KIAA1210: variants seen among roughly 807,000 people sequenced by gnomAD.
KIAA1210 encodes KIAA1210.
Under a neutral mutation model 78.9 loss-of-function variants are expected in KIAA1210, and 48 were observed. That is an observed-to-expected ratio of 0.61 (90% CI 0.48 to 0.77). KIAA1210 has a LOEUF of 0.77. KIAA1210 is among the 30% of genes least tolerant of loss of function. KIAA1210 has a pLI of 0.00. For missense variants in KIAA1210, 1,108 were observed against 1,100.0 expected, an observed-to-expected ratio of 1.01 and a Z score of -0.10; for synonymous variants, 406 against 404.5, an observed-to-expected ratio of 1.00 and a Z score of -0.04.
chrX:119,101,447 A>G (rs1169124060), intron 6 of KIAA1210, among the ~76,000 whole-genome samples: 4 of 110,148 alleles, frequency 3.6e-5, no homozygotes, highest in Non-Finnish European at 7.6e-5. Context: ...GTTGGGTTCT[A>G]TGTGAGTCAA....
At chrX:119,148,681 A>G (rs1929223340) in intron 1 of KIAA1210, among the ~76,000 whole-genome samples, 1 of 111,185 alleles carries the variant, frequency 9.0e-6, no homozygotes, top group African/African-American at 3.3e-5. Flanking sequence ...CTAGTTTGGA[A>G]TTTAAAAACC....
Position 119,096,586 on chromosome X carries a change from G to A in KIAA1210, c.754C>T (p.Pro252Ser). 1 of 1,211,420 alleles carries A rather than the reference G, an allele frequency of 8.3e-7. No individual in the cohort carries two copies. Among genetic ancestry groups the A allele is most frequent in the Non-Finnish European group, 1.1e-6 (1 of 895,158 alleles). Residue 252 changes from proline to serine, a missense_variant, in exon 7 of 12, where the codon CCA becomes TCA. Around this residue, in one of 5 missense-constraint regions of KIAA1210, gnomAD observed 672 missense variants for 607.1 expected, o/e 1.11. Transcript: ENST00000691062. The part of the protein sequence containing the change: ...STQLPIGFST[P>S]ATTQGCLDSS... Reference sequence around the variant, plus strand: ...TCCAAACAGCCCTGGGTGGTGGCTGGGGTGCTGAAACCAATGGGCAGCTGG... The same window carrying A: ...TCCAAACAGCCCTGGGTGGTGGCTGAGGTGCTGAAACCAATGGGCAGCTGG...
intron 8 of KIAA1210, among the ~76,000 whole-genome samples, chrX:119,090,149 C>G (rs1335804659): frequency 9.3e-6 from 1 of 107,044 alleles, no homozygotes; most frequent in Non-Finnish European, 1.9e-5. Flanking sequence ...TCTGAACTAC[C>G]TGAAATTTCA....
In KIAA1210 at chrX:119,125,735, A is replaced by ATATATATT. The variant is rs5903546; in HGVS notation, c.-11+1991_-11+1992insAATATATA. On this transcript the variant is annotated intron_variant, in intron 1 of 11. Coordinates refer to ENST00000691062, the MANE Select transcript of KIAA1210 (RefSeq NM_001394962.1). The stretch of plus-strand genomic sequence containing the variant: ...AATACATATATATATATATATATAT[A>ATATATATT]TTTTTTTTTTTTTTTTTTTGGAGAG... 2.5e-4 allele frequency among the ~76,000 whole-genome samples: 4 copies of ATATATATT among 15,806 alleles called. 1 individual carries two copies. The highest frequency in any genetic ancestry group is 5.2e-4 in the African/African-American group (2 of 3,843). The allele number at this position is 15,806 out of a possible 115,157, so 13.7% of individuals were successfully genotyped here.
upstream of KIAA1210, among the ~76,000 whole-genome samples, chrX:119,150,898 G>T (rs1929284345): frequency 8.9e-6 from 1 of 112,693 alleles, no homozygotes; most frequent in Non-Finnish European, 1.9e-5. Context: ...CCACTCTGTG[G>T]TGTCTAGGGG....
chrX:119,097,996 T>C (rs1373761293), intron 6 of KIAA1210, among the ~76,000 whole-genome samples: 3 of 112,287 alleles, frequency 2.7e-5, no homozygotes, highest in African/African-American at 6.5e-5. Flanking sequence ...TATCAGTGTA[T>C]AGACTAAAAG....
rs113819632 is a variant in KIAA1210, at chrX:119,113,654, T to G, written c.230+2842A>C. On this transcript the variant is annotated intron_variant, in intron 3 of 11. Transcript: ENST00000691062. ...CATGCTAAAAGGTAGAACTTTGTAGTATGTGAATTATATTTCAAGAAAGCT... is the reference window on the plus strand; with the variant it reads ...CATGCTAAAAGGTAGAACTTTGTAGGATGTGAATTATATTTCAAGAAAGCT... Among the ~76,000 whole-genome samples the G allele has an allele frequency of 8.8e-3, 987 of 111,851 alleles. 13 individuals are homozygous for G. The highest frequency in any genetic ancestry group is 0.043 in the Admixed American group (453 of 10,477).
intron 8 of KIAA1210, among the ~76,000 whole-genome samples, chrX:119,091,144 C>T (rs1354722421): frequency 1.8e-5 from 2 of 112,327 alleles, no homozygotes; most frequent in Non-Finnish European, 1.9e-5. Flanking sequence ...TGTCACTAAT[C>T]ACGAGGGAAA....
upstream of KIAA1210, among the ~76,000 whole-genome samples, chrX:119,129,201 G>T (rs1474054081): frequency 9.0e-6 from 1 of 110,894 alleles, no homozygotes; most frequent in Non-Finnish European, 1.9e-5. Context: ...CAGGGGAATA[G>T]CAGGCACTCA....
At chrX:119,103,197 G>A (rs1212536369) in intron 6 of KIAA1210, among the ~76,000 whole-genome samples, 1 of 111,582 alleles carries the variant, frequency 9.0e-6, no homozygotes, top group Non-Finnish European at 1.9e-5. Flanking sequence ...TTTCGAAATT[G>A]TTTCTGACCT....
intron 2 of KIAA1210, among the ~76,000 whole-genome samples, chrX:119,122,696 T>C (rs1042597272): frequency 8.9e-6 from 1 of 111,984 alleles, no homozygotes; most frequent in Non-Finnish European, 1.9e-5. Flanking sequence ...GAGTGCCTAA[T>C]CTCTTTCTCT....
chrX:119,147,517 A>G (rs779127744), exon 2 of KIAA1210: 11 of 1,209,661 alleles, frequency 9.1e-6, no homozygotes, highest in Non-Finnish European at 1.2e-5. Context: ...GACTAGCATG[A>G]TGTGAGGGGC....
At position 119,089,556 on chromosome X, in the gene KIAA1210, T is replaced by A. The variant is rs1927298463; in HGVS notation, c.1146A>T (p.Lys382Asn). Reference sequence around the variant, plus strand: ...CCAGGCCATACCCTTCACTGGATTGTTTAAGGCTTCTTCCTTTGAATTCAC... The same window carrying A: ...CCAGGCCATACCCTTCACTGGATTGATTAAGGCTTCTTCCTTTGAATTCAC... ...SGCEFKGRSL[K>N]QSSEGYGLGD... Residue 382 changes from lysine to asparagine, a missense_variant, in exon 9 of 12, where the codon AAA becomes AAT. Physicochemically the swap from Lys to Asn is moderately conservative, Grantham distance 94. Around this residue, in one of 5 missense-constraint regions of KIAA1210, gnomAD observed 672 missense variants for 607.1 expected, o/e 1.11. Coordinates refer to ENST00000691062, the MANE Select transcript of KIAA1210 (RefSeq NM_001394962.1). 1.7e-6 allele frequency: 2 copies of A among 1,211,568 alleles called. No homozygotes were observed. The highest frequency in any genetic ancestry group is 5.9e-5 in the East Asian group (2 of 33,836).
chrX:119,105,059 A>G lies in KIAA1210; in HGVS notation c.581T>C (p.Leu194Pro). 1 of 1,209,858 alleles carries G rather than the reference A, an allele frequency of 8.3e-7. No individual in the cohort carries two copies. Among genetic ancestry groups the G allele is most frequent in the African/African-American group, 1.7e-5 (1 of 57,750 alleles). ...IISKNLVEIS[L>P]DDESPKNPQK... Reference sequence around the variant, plus strand: ...TGGATTCTTAGGTGACTCATCATCGAGAGAGATTTCTACCAAGTTCTTAGA... The same window carrying G: ...TGGATTCTTAGGTGACTCATCATCGGGAGAGATTTCTACCAAGTTCTTAGA... The change falls in exon 6 of 12, where the codon CTC becomes CCC. Residue 194 changes from leucine (L) to proline (P), a missense_variant. Physicochemically the swap from Leu to Pro is moderately conservative, Grantham distance 98 (BLOSUM62 -3). Coordinates refer to ENST00000691062, the MANE Select transcript of KIAA1210 (RefSeq NM_001394962.1).
At chrX:119,110,783 G>GA (rs1928046480) in intron 3 of KIAA1210, among the ~76,000 whole-genome samples, 1 of 111,585 alleles carries the variant, frequency 9.0e-6, no homozygotes, top group East Asian at 2.8e-4. Flanking sequence ...ACACTGATGA[G>GA]AAAAAATGCC....
In KIAA1210 at chrX:119,089,138, A is replaced by G. The variant is rs1927277908; in HGVS notation, c.1564T>C (p.Ser522Pro). ...AAEAQVFMNP[S>P]HIQLEDQEAF... Reference sequence around the variant, plus strand: ...TCTTGATCTTCTAACTGGATATGAGAAGGATTCATAAACACCTGAGCCTCT... The same window carrying G: ...TCTTGATCTTCTAACTGGATATGAGGAGGATTCATAAACACCTGAGCCTCT... The change falls in exon 9 of 12, where the codon TCT becomes CCT. Residue 522 changes from serine to proline, a missense_variant. Ser to Pro is a moderately conservative substitution (Grantham distance 74). Around this residue, in one of 5 missense-constraint regions of KIAA1210, gnomAD observed 672 missense variants for 607.1 expected, o/e 1.11. Transcript: ENST00000691062. The G allele has an allele frequency of 8.3e-7, 1 of 1,210,173 alleles. No homozygotes were observed. The highest frequency in any genetic ancestry group is 1.1e-6 in the Non-Finnish European group (1 of 895,113).
intron 2 of KIAA1210, among the ~76,000 whole-genome samples, 187 bp downstream of exon 2, chrX:119,123,395 C>T (rs1327501349): frequency 8.9e-6 from 1 of 111,967 alleles, no homozygotes; most frequent in Non-Finnish European, 1.9e-5. Context: ...ATTGCAGGAC[C>T]TCAGGCAAAT....
chrX:119,098,343 G>A (rs748625269), intron 6 of KIAA1210, among the ~76,000 whole-genome samples: 12 of 111,746 alleles, frequency 1.1e-4, no homozygotes, highest in Non-Finnish European at 1.9e-4. Context: ...GTGGGCTCAC[G>A]CCTGTAATCT....
intron 2 of KIAA1210, among the ~76,000 whole-genome samples, chrX:119,116,984 C>T (rs972626515): frequency 2.7e-5 from 3 of 112,293 alleles, no homozygotes. Flanking sequence ...ACATATACAC[C>T]TCTTTCTTTG....
Sources: allele counts gnomAD v4.1 joint callset (sites outside exome capture counted in the v4.1 genomes callset), GRCh38; gene constraint gnomAD v4.1.1; regional missense constraint gnomAD v4.1.1; transcripts MANE v1.5; gene names NCBI Gene and HGNC (gene_info 2026-07-23, HGNC 2026-07-21).